IFT74: variants seen among roughly 807,000 people sequenced by gnomAD.
The protein encoded by IFT74 is intraflagellar transport 74.
In IFT74, 92 loss-of-function variants were observed where a neutral mutation model predicts 96.7. That is an observed-to-expected ratio of 0.95 (90% confidence interval 0.80 to 1.13). The LOEUF is 1.13. IFT74 is among the 50% of genes most tolerant of loss of function. The probability of loss-of-function intolerance (pLI) is 0.00; values close to 1 mark genes in which losing one functional copy is unlikely to be tolerated. For missense variants in IFT74, 811 were observed against 698.2 expected, an observed-to-expected ratio of 1.16 and a Z score of -1.82; for synonymous variants, 223 against 213.2, an observed-to-expected ratio of 1.05 and a Z score of -0.40.
intron 12 of IFT74, among the ~76,000 whole-genome samples, chr9:27,020,956 T>C (rs936337297): frequency 1.3e-5 from 2 of 152,132 alleles, no homozygotes; most frequent in Admixed American, 6.6e-5. Flanking sequence ...CCGGAGTCCA[T>C]TGTATCATTC....
chr9:26,980,720 C>A, intron 4 of IFT74, 101 bp downstream of exon 4: 1 of 696,172 alleles, frequency 1.4e-6, no homozygotes, highest in Non-Finnish European at 2.4e-6. Context: ...TTTAGCTAGG[C>A]ACTTATTAGG....
At chr9:26,976,257 G>C (rs114422069) in intron 2 of IFT74, among the ~76,000 whole-genome samples, 1,935 of 152,222 alleles carry the variant, frequency 0.013, 39 homozygotes, top group African/African-American at 0.045. Context: ...GGGAATCCCC[G>C]ACAAGCCCCC....
intron 18 of IFT74, among the ~76,000 whole-genome samples, chr9:27,056,889 T>C (rs1216686756): frequency 1.3e-5 from 2 of 151,912 alleles, no homozygotes; most frequent in African/African-American, 4.8e-5. Flanking sequence ...GATAGATAGA[T>C]AGATAGATAG....
At chr9:27,047,096 CCA>C (rs1203125616) in intron 14 of IFT74, among the ~76,000 whole-genome samples, 176 bp from the exon 15 acceptor site, 2 of 152,140 alleles carry the variant, frequency 1.3e-5, no homozygotes, top group African/African-American at 4.8e-5. Context: ...TCCCTTGAAC[CCA>C]GAGGTGGAGG....
intron 2 of IFT74, among the ~76,000 whole-genome samples, chr9:26,972,017 C>T (rs1222655748): frequency 3.3e-5 from 5 of 152,016 alleles, no homozygotes; most frequent in Non-Finnish European, 5.9e-5. Flanking sequence ...CTTCAATTAC[C>T]CAGGAGGACC....
At chr9:27,031,139 G>T (rs1830100855) in intron 13 of IFT74, among the ~76,000 whole-genome samples, 1 of 152,002 alleles carries the variant, frequency 6.6e-6, no homozygotes, top group African/African-American at 2.4e-5. Flanking sequence ...GGGACTACAG[G>T]TCCATGTTAC....
At chr9:27,012,249 GTCTT>G (rs1243352391) in intron 10 of IFT74, among the ~76,000 whole-genome samples, 2 of 152,100 alleles carry the variant, frequency 1.3e-5, no homozygotes, top group Non-Finnish European at 2.9e-5. Context: ...TAGAGACAGA[GTCTT>G]TCTTTGTCAC....
intron 4 of IFT74, among the ~76,000 whole-genome samples, chr9:26,983,398 A>C (rs527346418): frequency 5.9e-4 from 90 of 152,320 alleles, no homozygotes; most frequent in African/African-American, 2.1e-3. Flanking sequence ...GTGGTTCTCA[A>C]CTGGTGGTGA....
chr9:27,034,624 G>A (rs1330823210), intron 13 of IFT74, among the ~76,000 whole-genome samples: 1 of 152,134 alleles, frequency 6.6e-6, no homozygotes, highest in Non-Finnish European at 1.5e-5. Flanking sequence ...CACCTCTCAG[G>A]TTCAAACAAT....
intron 14 of IFT74, among the ~76,000 whole-genome samples, chr9:27,046,926 G>A (rs999490646): frequency 4.6e-5 from 7 of 152,170 alleles, no homozygotes; most frequent in Admixed American, 1.3e-4. Flanking sequence ...TATAATCCCA[G>A]CACTTTGGGA....
chr9:27,057,049 T>C (rs1171051867), intron 18 of IFT74, among the ~76,000 whole-genome samples: 1 of 152,172 alleles, frequency 6.6e-6, no homozygotes, highest in Non-Finnish European at 1.5e-5. Context: ...CTTGTCAATA[T>C]ATATATTGAC....
chr9:27,060,370 T>C (rs988564050), intron 18 of IFT74, among the ~76,000 whole-genome samples: 1 of 151,884 alleles, frequency 6.6e-6, no homozygotes, highest in Non-Finnish European at 1.5e-5. Context: ...TAAAATATAA[T>C]TAAAATAAAT....
intron 15 of IFT74, among the ~76,000 whole-genome samples, chr9:27,047,757 T>C (rs1191793315): frequency 1.3e-5 from 2 of 152,196 alleles, no homozygotes; most frequent in Admixed American, 6.5e-5. Context: ...AAATTTATTG[T>C]AAATAAAAAG....
At chr9:26,956,870 C>G (rs7857396) in intron 1 of IFT74, among the ~76,000 whole-genome samples, 66,182 of 152,166 alleles carry the variant, frequency 0.43, 15,360 homozygotes, top group Non-Finnish European at 0.53. Context: ...CAGTTAGCAA[C>G]TTTCCACTTA....
At chr9:27,053,627 T>C (rs890334664) in intron 16 of IFT74, among the ~76,000 whole-genome samples, 1 of 152,202 alleles carries the variant, frequency 6.6e-6, no homozygotes, top group Non-Finnish European at 1.5e-5. Flanking sequence ...TCTCTTCCCT[T>C]GGAGTAGCAT....
At chr9:27,034,973 A>T (rs1230100846) in intron 13 of IFT74, among the ~76,000 whole-genome samples, 2 of 152,216 alleles carry the variant, frequency 1.3e-5, no homozygotes, top group Non-Finnish European at 2.9e-5. Flanking sequence ...GGAGGTAATT[A>T]CAGTACCTAC....
intron 17 of IFT74, 37 bp downstream of exon 17, chr9:27,055,809 G>C (rs1452809464): frequency 2.2e-6 from 3 of 1,363,202 alleles, no homozygotes; most frequent in Non-Finnish European, 2.9e-6. Context: ...TTACAATTCA[G>C]ATTGTTTTTT....
chr9:27,056,317 T>C lies in IFT74; in HGVS notation c.1498-17T>C. 2 of 1,530,548 alleles carry C rather than the reference T, an allele frequency of 1.3e-6. No homozygotes were observed. Among genetic ancestry groups the C allele is most frequent in the African/African-American group, 2.8e-5 (2 of 71,874 alleles). 94.8% of individuals were successfully genotyped at this position (1,530,548 alleles called of 1,614,324 possible). A position where few individuals can be genotyped will look rare whatever the true frequency, so the allele number is the denominator to read the frequency against. ...CATATTTTCTATAACCTGTCACTTCTATTTGGATCTTTCTAGAAATTACAT... is the reference window on the plus strand; with the variant it reads ...CATATTTTCTATAACCTGTCACTTCCATTTGGATCTTTCTAGAAATTACAT... On this transcript the variant is annotated splice_polypyrimidine_tract_variant and intron_variant, in intron 17 of 19. Coordinates refer to ENST00000380062, the MANE Select transcript of IFT74 (RefSeq NM_025103.4).
At chr9:27,014,773 T>C (rs564574313) in intron 10 of IFT74, among the ~76,000 whole-genome samples, 7 of 152,278 alleles carry the variant, frequency 4.6e-5, no homozygotes, top group African/African-American at 1.7e-4. Flanking sequence ...CATGCCCGGC[T>C]AATTTTTGTA....
Sources: gnomAD v4.1 joint callset for allele counts (sites outside exome capture counted in the v4.1 genomes callset) on GRCh38, gnomAD v4.1.1 for gene constraint, MANE v1.5 for transcripts, NCBI Gene and HGNC (gene_info 2026-07-23, HGNC 2026-07-21) for gene names.